The following SLCO3A1 variants were observed in gnomAD, a reference collection of about 807,000 sequenced individuals.
SLCO3A1 encodes solute carrier organic anion transporter family member 3A1, also known as PGE1 transporter.
SLCO3A1 carries 27 observed loss-of-function variants against 63.1 expected under a neutral mutation model. That is an observed-to-expected ratio of 0.43 (90% CI 0.32 to 0.59). The LOEUF (loss-of-function observed/expected upper bound fraction) is 0.59, where lower values mean the gene tolerates loss of function less well. Among genes scored for constraint, SLCO3A1 ranks in the 20% least tolerant of loss-of-function variants. The probability of loss-of-function intolerance (pLI) is 0.09; values close to 1 mark genes in which losing one functional copy is unlikely to be tolerated. For synonymous variants in SLCO3A1, 473 were observed against 409.9 expected (o/e 1.15, Z -1.86); for missense variants, 773 against 945.8 (o/e 0.82, Z 2.40).
intron 2 of SLCO3A1, among the ~76,000 whole-genome samples, chr15:92,061,979 A>T (rs2047092234): frequency 6.6e-6 from 1 of 152,158 alleles, no homozygotes; most frequent in African/African-American, 2.4e-5. Context: ...GATGGCATTG[A>T]CAGACAGCGC....
In SLCO3A1 at chr15:91,961,344, G is replaced by A. The variant is rs573364742; in HGVS notation, c.646+44886G>A. The stretch of plus-strand genomic sequence containing the variant: ...GCTTTCTCTTCCCATTTTCCCAAAG[G>A]AAGGCTTGATTTTCCTGATTTTGCC... On this transcript the variant is annotated intron_variant, in intron 2 of 9. Transcript: ENST00000318445. Among the ~76,000 whole-genome samples, 3 of 152,370 alleles carry A rather than the reference G, an allele frequency of 2.0e-5. No individual in the cohort carries two copies. The East Asian group carries it at 5.8e-4, about 29-fold the overall frequency.
intron 7 of SLCO3A1, among the ~76,000 whole-genome samples, chr15:92,136,967 T>C (rs1197399760): frequency 1.1e-5 from 1 of 94,556 alleles, no homozygotes; most frequent in Non-Finnish European, 2.3e-5. Flanking sequence ...AAGTAGTCTG[T>C]CTTTTTTTTT....
chr15:92,105,617 C>T (rs1367207361), intron 4 of SLCO3A1, among the ~76,000 whole-genome samples: 3 of 152,152 alleles, frequency 2.0e-5, no homozygotes, highest in Admixed American at 1.3e-4. Context: ...AGCTGCTCGG[C>T]GACTATCAGG....
intron 2 of SLCO3A1, among the ~76,000 whole-genome samples, chr15:91,971,491 A>G (rs1900869864): frequency 1.3e-5 from 2 of 150,184 alleles, no homozygotes; most frequent in South Asian, 2.1e-4. Flanking sequence ...ATATTCTTCC[A>G]TGTTTTTGTG....
At chr15:91,984,765 A>G (rs2046029590) in intron 2 of SLCO3A1, among the ~76,000 whole-genome samples, 1 of 152,202 alleles carries the variant, frequency 6.6e-6, no homozygotes, top group South Asian at 2.1e-4. Flanking sequence ...GTATAAATCC[A>G]TATTTCCAGT....
chr15:92,100,633 C>T (rs569285624), intron 3 of SLCO3A1, among the ~76,000 whole-genome samples: 2 of 152,282 alleles, frequency 1.3e-5, no homozygotes, highest in East Asian at 3.9e-4. Context: ...AGCCTTCCTC[C>T]CTACTTTTAT....
intron 1 of SLCO3A1, among the ~76,000 whole-genome samples, chr15:91,861,267 A>G (rs1434760402): frequency 6.6e-6 from 1 of 152,176 alleles, no homozygotes; most frequent in Non-Finnish European, 1.5e-5. Context: ...TGAGCAAGCC[A>G]GGGGAGCCTT....
intron 7 of SLCO3A1, among the ~76,000 whole-genome samples, chr15:92,145,318 AAG>A (rs780190415): frequency 7.6e-4 from 115 of 152,244 alleles, no homozygotes; most frequent in Non-Finnish European, 1.5e-3. Context: ...CTCTCCTGGG[AAG>A]AGGAGGAGTG....
Position 92,165,184 on chromosome 15 carries a change from C to G in SLCO3A1, c.*2049C>G. 1.0e-6 allele frequency: 1 copy of G among 985,368 alleles called. No homozygotes were observed. Among genetic ancestry groups the G allele is most frequent in the African/African-American group, 1.7e-5 (1 of 57,324 alleles). 61.0% of individuals were successfully genotyped at this position (985,368 alleles called of 1,614,324 possible). A position where few individuals can be genotyped will look rare whatever the true frequency, so the allele number is the denominator to read the frequency against. Reference sequence around the variant, plus strand: ...AAGCTGTGTCGTGGTATGGGGCCACCGTGATCAGCTACCTGGGGCAGGATG... The same window carrying G: ...AAGCTGTGTCGTGGTATGGGGCCACGGTGATCAGCTACCTGGGGCAGGATG... On this transcript the variant is annotated 3_prime_UTR_variant, in exon 10 of 10. Transcript: ENST00000318445.
In SLCO3A1 at chr15:91,916,448, G is replaced by A. The variant is rs768503651; in HGVS notation, c.636G>A (p.Ser212=). The change falls in exon 2 of 10, where the codon TCG becomes TCA. Residue 212 remains serine, a synonymous_variant. Transcript: ENST00000318445. The surrounding 1 kb of genome is among the most constrained non-coding windows in gnomAD (Gnocchi z 6.2). ...ACCACGTGCGGAGGAAGGACTCCTC[G>A]CTCTATATAGGTAGGAGCTGCCCCA... ...IDDHVRRKDS[S]LYIGILFTML... is the part of the protein sequence containing the mutation. The A allele has an allele frequency of 5.6e-6, 9 of 1,605,696 alleles. No individual in the cohort carries two copies. In the East Asian group the frequency reaches 1.1e-4, roughly 20 times the overall value.
chr15:92,118,810 G>T (rs1480111144), intron 4 of SLCO3A1, among the ~76,000 whole-genome samples: 1 of 148,434 alleles, frequency 6.7e-6, no homozygotes, highest in Admixed American at 6.7e-5. Context: ...GTGGAAACAA[G>T]TAAACTGCAT....
chr15:92,120,888 G>T (rs1400586277), intron 5 of SLCO3A1, among the ~76,000 whole-genome samples: 1 of 152,228 alleles, frequency 6.6e-6, no homozygotes, highest in African/African-American at 2.4e-5. Context: ...TAAGTCGATA[G>T]ATGGGTGTGA....
intron 2 of SLCO3A1, among the ~76,000 whole-genome samples, chr15:92,012,897 C>T (rs2046384647): frequency 6.6e-6 from 1 of 152,178 alleles, no homozygotes; most frequent in South Asian, 2.1e-4. Context: ...AGAAGTACTT[C>T]ATGAAAAAGA....
At position 92,141,376 on chromosome 15, in the gene SLCO3A1, A is replaced by G. The variant is rs146316956; in HGVS notation, c.1513-5608A>G. On this transcript the variant is annotated intron_variant, in intron 7 of 9. Coordinates refer to ENST00000318445, the MANE Select transcript of SLCO3A1 (RefSeq NM_013272.4). The stretch of plus-strand genomic sequence containing the variant: ...ACAGCCAGAGAAAGCATTAGGGGAC[A>G]TATCACTTCATTCAGACCATGGGAG... Among the ~76,000 whole-genome samples, 3 of 152,216 alleles carry G rather than the reference A, an allele frequency of 2.0e-5. No homozygotes were observed. In the South Asian group the frequency reaches 6.2e-4, roughly 32 times the overall value.
chr15:91,952,829 G>T (rs187317185), intron 2 of SLCO3A1, among the ~76,000 whole-genome samples: 2 of 152,238 alleles, frequency 1.3e-5, no homozygotes, highest in East Asian at 1.9e-4. Flanking sequence ...GTGCCACTCT[G>T]CCCCATCTCC....
intron 10 of SLCO3A1, chr15:92,171,773 C>A (rs548964182): frequency 1.8e-5 from 28 of 1,547,942 alleles, no homozygotes; most frequent in Admixed American, 5.9e-5. Flanking sequence ...CCCTCCTCCC[C>A]CTTTAGGCAC....
intron 2 of SLCO3A1, among the ~76,000 whole-genome samples, chr15:92,030,441 C>T (rs2046632512): frequency 6.6e-6 from 1 of 152,166 alleles, no homozygotes; most frequent in Non-Finnish European, 1.5e-5. Flanking sequence ...GATTATATTT[C>T]GTGCTAGAGC....
Position 91,872,224 on chromosome 15 carries a change from T to C in SLCO3A1, c.180+18136T>C, listed in dbSNP as rs1897298205. Among the ~76,000 whole-genome samples, 1 of 152,184 alleles carries C rather than the reference T, an allele frequency of 6.6e-6. No homozygotes were observed. Among genetic ancestry groups the C allele is most frequent in the Admixed American group, 6.5e-5 (1 of 15,282 alleles). On this transcript the variant is annotated intron_variant, in intron 1 of 9. Transcript: ENST00000318445. The surrounding 1 kb of genome is among the most constrained non-coding windows in gnomAD (Gnocchi z 4.1). ...TCTTTTCCGTATAAGGAAATAGGGC[T>C]CACTTCTAGAAGTTAAAGAATGTGC... is the stretch of plus-strand genomic sequence containing the variant.
At chr15:92,095,143 G>A (rs2047523244) in intron 3 of SLCO3A1, among the ~76,000 whole-genome samples, 164 bp downstream of exon 3, 1 of 152,210 alleles carries the variant, frequency 6.6e-6, no homozygotes, top group Non-Finnish European at 1.5e-5. Flanking sequence ...GAACGTGAGT[G>A]TTGGTTCAGA....
Sources: allele counts gnomAD v4.1 joint callset (sites outside exome capture counted in the v4.1 genomes callset), GRCh38; gene constraint gnomAD v4.1.1; non-coding constraint Gnocchi (gnomAD v3.1); transcripts MANE v1.5; gene names NCBI Gene and HGNC (gene_info 2026-07-23, HGNC 2026-07-21).